CAMTA1: variants seen among roughly 807,000 people sequenced by gnomAD.
CAMTA1 encodes the protein calmodulin-binding transcription activator 1.
CAMTA1 carries 27 observed loss-of-function variants against 170.9 expected under a neutral mutation model. The ratio of observed to expected loss-of-function variants is 0.16; its 90% CI spans 0.12 to 0.22. The LOEUF (loss-of-function observed/expected upper bound fraction) is 0.22, where lower values mean the gene tolerates loss of function less well. CAMTA1 is among the 10% of genes least tolerant of loss of function. The pLI, the probability that CAMTA1 is intolerant of heterozygous loss-of-function variation, is 1.00. For synonymous variants in CAMTA1, 833 were observed against 891.5 expected, an observed-to-expected ratio of 0.93 and a Z score of 1.17; for missense variants, 1,619 against 2,217.2, an observed-to-expected ratio of 0.73 and a Z score of 5.42.
chr1:7,185,374 T>G (rs4908605), intron 4 of CAMTA1, among the ~76,000 whole-genome samples: 87,490 of 151,928 alleles, frequency 0.58, 25,445 homozygotes, highest in Non-Finnish European at 0.6. Flanking sequence ...GGAAAAATTT[T>G]GACCAGAAAG....
chr1:7,629,198 G>A (rs2095652486), intron 6 of CAMTA1, among the ~76,000 whole-genome samples: 1 of 152,242 alleles, frequency 6.6e-6, no homozygotes, highest in Admixed American at 6.5e-5. Flanking sequence ...GACGCCAGCA[G>A]CCTGCATCCC....
chr1:7,217,663 G>A (rs959608151), intron 4 of CAMTA1, among the ~76,000 whole-genome samples: 1 of 150,778 alleles, frequency 6.6e-6, no homozygotes, highest in African/African-American at 2.4e-5. Flanking sequence ...TAGTCTAATG[G>A]GTACCTTTGT....
chr1:7,656,901 A>G (rs960714273), intron 7 of CAMTA1, among the ~76,000 whole-genome samples: 2 of 152,224 alleles, frequency 1.3e-5, no homozygotes, highest in Admixed American at 6.5e-5. Context: ...TAGGGTAAAC[A>G]TCTTGTACGA....
chr1:7,744,908 C>T lies in CAMTA1; in HGVS notation c.4256C>T (p.Pro1419Leu), dbSNP rs1372215083. Residue 1419 changes from proline (P) to leucine (L), a missense_variant, in exon 17 of 23, where the codon CCC becomes CTC. Around this residue, in one of 8 missense-constraint regions of CAMTA1, gnomAD observed 370 missense variants for 429.4 expected, o/e 0.86. Transcript: ENST00000303635. ...PDRIKQENFV[P>L]MESSGLERTD... is the part of the protein sequence containing the mutation. ...CGAATCAAGCAGGAGAATTTTGTGCCCATGGAGTCCTCAGGATTGGAAAGA... is the reference window on the plus strand; with the variant it reads ...CGAATCAAGCAGGAGAATTTTGTGCTCATGGAGTCCTCAGGATTGGAAAGA... The T allele has an allele frequency of 1.2e-6, 2 of 1,613,854 alleles. No homozygotes were observed. Among genetic ancestry groups the T allele is most frequent in the African/African-American group, 2.7e-5 (2 of 74,848 alleles).
At chr1:7,348,486 A>T (rs2084392504) in intron 5 of CAMTA1, among the ~76,000 whole-genome samples, 1 of 152,188 alleles carries the variant, frequency 6.6e-6, no homozygotes, top group Non-Finnish European at 1.5e-5. Context: ...TGTGGTACGA[A>T]GCATAACCAC....
rs780794709 is a variant in CAMTA1 at position 7,665,150 on chromosome 1, G to A, written c.2603G>A (p.Gly868Glu). 6 of 1,504,622 alleles carry A rather than the reference G, an allele frequency of 4.0e-6. No homozygotes were observed. In the African/African-American group the frequency reaches 7.0e-5, roughly 18 times the overall value. The allele number at this position is 1,504,622 out of a possible 1,614,324, so 93.2% of individuals were successfully genotyped here. The change falls in exon 9 of 23, where the codon GGA (glycine) becomes GAA (glutamate). Residue 868 changes from glycine (G) to glutamate (E), a missense_variant. Physicochemically the swap from Gly to Glu is moderately conservative, Grantham distance 98 (BLOSUM62 -2). Coordinates refer to ENST00000303635, the MANE Select transcript of CAMTA1 (RefSeq NM_015215.4). The surrounding 1 kb of genome is among the most constrained non-coding windows in gnomAD (Gnocchi z 4.3). ...QGTLGMLQQS[G>E]RVFMVTDYSP... ...ACCCTAGGCATGCTGCAGCAGAGCG[G>A]ACGGGTGTTCATGGTGACCGACTAC...
intron 6 of CAMTA1, among the ~76,000 whole-genome samples, chr1:7,498,650 G>C (rs1422623642): frequency 6.6e-6 from 1 of 152,180 alleles, no homozygotes; most frequent in Non-Finnish European, 1.5e-5. Context: ...GCATGTGAAT[G>C]TATGTGGATG....
intron 4 of CAMTA1, among the ~76,000 whole-genome samples, chr1:7,111,437 C>T (rs754071006): frequency 9.9e-5 from 15 of 152,196 alleles, no homozygotes; most frequent in Non-Finnish European, 2.2e-4. Context: ...CCTTCCTGAG[C>T]ACGCTGTCTA....
intron 4 of CAMTA1, among the ~76,000 whole-genome samples, chr1:7,124,235 T>C (rs1644804198): frequency 6.6e-6 from 1 of 152,056 alleles, no homozygotes; most frequent in Non-Finnish European, 1.5e-5. Flanking sequence ...TGTGCTCTTT[T>C]CCCTCTCCTG....
intron 5 of CAMTA1, among the ~76,000 whole-genome samples, chr1:7,395,697 A>G (rs1273847507): frequency 6.6e-6 from 1 of 152,098 alleles, no homozygotes; most frequent in Non-Finnish European, 1.5e-5. Flanking sequence ...AATTCTTCCA[A>G]TCCATGAATA....
intron 6 of CAMTA1, among the ~76,000 whole-genome samples, chr1:7,604,309 C>G (rs1365487081): frequency 6.6e-6 from 1 of 152,254 alleles, no homozygotes; most frequent in Non-Finnish European, 1.5e-5. Context: ...CCATCACTTT[C>G]AGGTACACAA....
intron 6 of CAMTA1, among the ~76,000 whole-genome samples, chr1:7,568,961 T>G (rs111203672): frequency 2.7e-5 from 4 of 149,260 alleles, no homozygotes; most frequent in African/African-American, 7.4e-5. Flanking sequence ...ATCTCCATTA[T>G]CATCATCACC....
At chr1:7,564,966 G>A (rs1371632173) in intron 6 of CAMTA1, among the ~76,000 whole-genome samples, 1 of 152,008 alleles carries the variant, frequency 6.6e-6, no homozygotes, top group African/African-American at 2.4e-5. Flanking sequence ...AGGAAGCAAG[G>A]TGGGAGAGTA....
At position 7,732,371 on chromosome 1, in the gene CAMTA1, C is replaced by G. The variant is rs1264303939; in HGVS notation, c.2915-77C>G. The G allele has an allele frequency of 1.1e-5, 15 of 1,329,930 alleles. No individual in the cohort carries two copies. Among genetic ancestry groups the G allele is most frequent in the Non-Finnish European group, 1.6e-5 (15 of 929,386 alleles). 82.4% of individuals were successfully genotyped at this position (1,329,930 alleles called of 1,614,324 possible). ...ACGGACGGCATTTGGATGCTGGTCC[C>G]GCAAGGCTGGCGAGGCCACGTGTTG... is the stretch of plus-strand genomic sequence containing the variant. On this transcript the variant is annotated intron_variant, in intron 11 of 22. Transcript: ENST00000303635. This position sits in a 1 kb window ranked among gnomAD's most constrained non-coding sequence, Gnocchi z 4.1.
rs967385429 is a variant in CAMTA1, at chr1:7,045,439, C to A, written c.235-45865C>A. On this transcript the variant is annotated intron_variant, in intron 3 of 22. Coordinates refer to ENST00000303635, the MANE Select transcript of CAMTA1 (RefSeq NM_015215.4). ...GCTGGTCACCATCCGGCACCAAATA[C>A]CCCCAATACCTGAGACTGCATGTCT... Among the ~76,000 whole-genome samples the A allele has an allele frequency of 3.3e-5, 5 of 152,224 alleles. No individual in the cohort carries two copies. In the East Asian group the frequency reaches 5.8e-4, roughly 18 times the overall value.
chr1:7,105,284 AC>A (rs973573951), intron 4 of CAMTA1, among the ~76,000 whole-genome samples: 4 of 152,248 alleles, frequency 2.6e-5, no homozygotes, highest in Admixed American at 2.6e-4. Context: ...AAGATTGAAA[AC>A]AATTGTGTTT....
chr1:7,698,074 AC>A (rs55893283), intron 11 of CAMTA1, among the ~76,000 whole-genome samples: 25,343 of 98,136 alleles, frequency 0.26, 3,039 homozygotes, highest in Middle Eastern at 0.29. Context: ...ACGCACTGTG[AC>A]CCCCCCCCCC....
intron 3 of CAMTA1, among the ~76,000 whole-genome samples, chr1:6,863,507 G>T (rs1342611474): frequency 6.6e-6 from 1 of 152,178 alleles, no homozygotes; most frequent in Admixed American, 6.6e-5. Context: ...TGTCTGATGG[G>T]TGCTCCAGCC....
chr1:6,891,633 C>T (rs1334376196), intron 3 of CAMTA1, among the ~76,000 whole-genome samples: 1 of 152,132 alleles, frequency 6.6e-6, no homozygotes, highest in Non-Finnish European at 1.5e-5. Context: ...CAAGCAATTA[C>T]AATTTAAGTC....
Sources: allele counts gnomAD v4.1 joint callset (sites outside exome capture counted in the v4.1 genomes callset), GRCh38; gene constraint gnomAD v4.1.1; regional missense constraint gnomAD v4.1.1; non-coding constraint Gnocchi (gnomAD v3.1); transcripts MANE v1.5; gene names NCBI Gene and HGNC (gene_info 2026-07-23, HGNC 2026-07-21).